The following CCND2 variants were observed in gnomAD, a reference collection of about 807,000 sequenced individuals.
CCND2 encodes the protein G1/S-specific cyclin-D2.
In CCND2, 6 loss-of-function variants were observed where a neutral mutation model predicts 30.2. That is an observed-to-expected ratio of 0.20 (90% CI 0.11 to 0.39). The LOEUF (loss-of-function observed/expected upper bound fraction) is 0.39, where lower values mean the gene tolerates loss of function less well. Ranked by LOEUF, CCND2 falls within the 10% of genes least tolerant of loss-of-function variation. The pLI, the probability that CCND2 is intolerant of heterozygous loss-of-function variation, is 1.00. For synonymous variants in CCND2, 150 were observed against 153.1 expected (o/e 0.98, Z 0.15); for missense variants, 235 against 373.4 (o/e 0.63, Z 3.06).
At position 4,288,900 on chromosome 12, in the gene CCND2, C is replaced by T; in HGVS notation, c.630C>T (p.Ala210=). Residue 210 remains alanine (A), a synonymous_variant, in exon 4 of 5, where the codon GCC becomes GCT. Transcript: ENST00000261254. ...TCGCAACTGGAAGTGTGGGAGCAGC[C>T]ATCTGTGGGCTCCAGCAGGATGAGG... ...SMIATGSVGA[A]ICGLQQDEEV... is the part of the protein sequence containing the mutation. 1 of 1,613,808 alleles carries T rather than the reference C, an allele frequency of 6.2e-7. No individual in the cohort carries two copies. Among genetic ancestry groups the T allele is most frequent in the African/African-American group, 1.3e-5 (1 of 74,986 alleles).
At chr12:4,297,957 T>C in intron 4 of CCND2, 1 of 309,648 alleles carries the variant, frequency 3.2e-6, no homozygotes, top group Non-Finnish European at 6.9e-6. Context: ...CTAAAGATTG[T>C]CAGGATCTTG....
Position 4,285,357 on chromosome 12 carries a change from A to T in CCND2, c.572-3485A>T, listed in dbSNP as rs890418816. The T allele has an allele frequency of 5.1e-6, 5 of 985,274 alleles. No homozygotes were observed. Among genetic ancestry groups the T allele is most frequent in the Admixed American group, 6.1e-5 (1 of 16,270 alleles). 61.0% of individuals were successfully genotyped at this position (985,274 alleles called of 1,614,324 possible). On this transcript the variant is annotated intron_variant, in intron 3 of 4. Transcript: ENST00000261254. The surrounding 1 kb of genome is among the most constrained non-coding windows in gnomAD (Gnocchi z 4.1). ...TGGCGAGGGCACACCCTCACCCCTG[A>T]GCGTGCCTTCTGCACCAGCATATTG...
In CCND2 at chr12:4,299,221, G is replaced by A. The variant is rs541354785; in HGVS notation, c.721-639G>A. Among the ~76,000 whole-genome samples, 4 of 152,308 alleles carry A rather than the reference G, an allele frequency of 2.6e-5. No homozygotes were observed. The highest frequency in any genetic ancestry group is 2.1e-4 in the South Asian group (1 of 4,830). ...CTAAAAATACAAAAATTAGCCAGGC[G>A]CGGTGGCGGGTGCCTGTAGTCCCAG... On this transcript the variant is annotated intron_variant, in intron 4 of 4. Coordinates refer to ENST00000261254, the MANE Select transcript of CCND2 (RefSeq NM_001759.4). The surrounding 1 kb of genome is among the most constrained non-coding windows in gnomAD (Gnocchi z 5.2).
chr12:4,283,365 G>A (rs1307462327), intron 3 of CCND2, among the ~76,000 whole-genome samples: 1 of 152,188 alleles, frequency 6.6e-6, no homozygotes, highest in Non-Finnish European at 1.5e-5. Context: ...CACTTCCGAC[G>A]TGAAAGGCTG....
At chr12:4,298,707 T>C (rs1443386536) in intron 4 of CCND2, among the ~76,000 whole-genome samples, 2 of 152,376 alleles carry the variant, frequency 1.3e-5, no homozygotes, top group East Asian at 3.8e-4. Context: ...GCCTTATGTA[T>C]GTGCTTCTTA....
intron 3 of CCND2, among the ~76,000 whole-genome samples, chr12:4,281,783 T>C (rs945756879): frequency 3.9e-5 from 6 of 152,140 alleles, no homozygotes; most frequent in Admixed American, 3.3e-4. Flanking sequence ...AGGGGCCGCG[T>C]AAGTGTGGCG....
At chr12:4,291,449 G>A (rs535667125) in intron 4 of CCND2, among the ~76,000 whole-genome samples, 1 of 151,896 alleles carries the variant, frequency 6.6e-6, no homozygotes, top group Non-Finnish European at 1.5e-5. Context: ...CTTTACTGAA[G>A]GCCCAGTTGT....
intron 3 of CCND2, among the ~76,000 whole-genome samples, chr12:4,284,652 C>T (rs779128024): frequency 3.3e-5 from 5 of 152,160 alleles, no homozygotes; most frequent in Non-Finnish European, 7.3e-5. Flanking sequence ...TCTCCAAATC[C>T]TTCCCATCTC....
At position 4,273,786 on chromosome 12, in the gene CCND2, AGAGC is replaced by A. The variant is rs1287482207; in HGVS notation, c.-251_-248del. 2 of 555,436 alleles carry A rather than the reference AGAGC, an allele frequency of 3.6e-6. No individual in the cohort carries two copies. Among genetic ancestry groups the A allele is most frequent in the Non-Finnish European group, 6.4e-6 (2 of 313,048 alleles). The allele number at this position is 555,436 out of a possible 1,614,324, so 34.4% of individuals were successfully genotyped here. On this transcript the variant is annotated 5_prime_UTR_variant, in exon 1 of 5. Transcript: ENST00000261254. The surrounding 1 kb of genome is among the most constrained non-coding windows in gnomAD (Gnocchi z 5.9). ...CAGAGCGGAGAAGAGCGAGCAGGGGAGAGCGAGACCAGTTTTAAGGGGAGGACCG... is the reference window on the plus strand; with the variant it reads ...CAGAGCGGAGAAGAGCGAGCAGGGGAGAGACCAGTTTTAAGGGGAGGACCG...
At chr12:4,278,471 G>T (rs187780423) in intron 2 of CCND2, among the ~76,000 whole-genome samples, 1 of 152,230 alleles carries the variant, frequency 6.6e-6, no homozygotes, top group Non-Finnish European at 1.5e-5. Context: ...GGGTTGGGAG[G>T]GGGTAAGGGG....
chr12:4,295,652 C>CTG lies in CCND2; in HGVS notation c.721-4206_721-4205dup, dbSNP rs796567132. ...ATCAGCTGGGGGTGATGGCGTGCAC[C>CTG]TGTAATCCCAGCTACTTGGGATGCT... On this transcript the variant is annotated intron_variant, in intron 4 of 4. Transcript: ENST00000261254. Among the ~76,000 whole-genome samples the CTG allele has an allele frequency of 3.8e-4, 58 of 152,270 alleles. 1 individual carries two copies. The highest frequency in any genetic ancestry group is 1.3e-3 in the African/African-American group (55 of 41,542).
rs1644731366 is a variant in CCND2, at chr12:4,287,861, T to TGCTCG, written c.572-979_572-975dup. Among the ~76,000 whole-genome samples the TGCTCG allele has an allele frequency of 6.6e-6, 1 of 151,880 alleles. No homozygotes were observed. Among genetic ancestry groups the TGCTCG allele is most frequent in the African/African-American group, 2.4e-5 (1 of 41,334 alleles). ...TGGCCACCCAGCCCCTCTGAAGGAG[T>TGCTCG]GCTCGGAGGAACACAAGGGGGCTGG... On this transcript the variant is annotated intron_variant, in intron 3 of 4. Coordinates refer to ENST00000261254, the MANE Select transcript of CCND2 (RefSeq NM_001759.4). This position sits in a 1 kb window ranked among gnomAD's most constrained non-coding sequence, Gnocchi z 4.0.
intron 4 of CCND2, among the ~76,000 whole-genome samples, chr12:4,291,097 A>C (rs1864094916): frequency 6.6e-6 from 1 of 152,110 alleles, no homozygotes; most frequent in Non-Finnish European, 1.5e-5. Flanking sequence ...TTTTTCAAAG[A>C]AAAATCTGAG....
chr12:4,276,222 TA>T lies in CCND2; in HGVS notation c.411+4del, dbSNP rs1453005795. On this transcript the variant is annotated splice_donor_region_variant and intron_variant, in intron 2 of 4. Coordinates refer to ENST00000261254, the MANE Select transcript of CCND2 (RefSeq NM_001759.4). The surrounding 1 kb of genome is among the most constrained non-coding windows in gnomAD (Gnocchi z 4.8). Reference sequence around the variant, plus strand: ...TCCATCAAGCCTCAGGAGCTGCTGGTAATGACCGGCCCCTTCCTCCCTTCCT... The same window carrying T: ...TCCATCAAGCCTCAGGAGCTGCTGGTATGACCGGCCCCTTCCTCCCTTCCT... The T allele has an allele frequency of 1.2e-6, 2 of 1,612,352 alleles. No individual in the cohort carries two copies. The highest frequency in any genetic ancestry group is 1.7e-6 in the Non-Finnish European group (2 of 1,178,662).
rs1863875993 is a variant in CCND2, at chr12:4,276,441, GC to G, written c.411+222del. On this transcript the variant is annotated intron_variant, in intron 2 of 4. Coordinates refer to ENST00000261254, the MANE Select transcript of CCND2 (RefSeq NM_001759.4). This position sits in a 1 kb window ranked among gnomAD's most constrained non-coding sequence, Gnocchi z 4.8. ...CCCAGGCTCCGTGCCCAGCACTGAG[GC>G]TACATCTGTGAATAAGATCCTCATG... is the stretch of plus-strand genomic sequence containing the variant. Among the ~76,000 whole-genome samples the G allele has an allele frequency of 6.6e-6, 1 of 152,230 alleles. No individual in the cohort carries two copies. The highest frequency in any genetic ancestry group is 6.5e-5 in the Admixed American group (1 of 15,288).
chr12:4,305,237 T>C lies in CCND2; in HGVS notation c.*5228T>C, dbSNP rs1485097839. On this transcript the variant is annotated 3_prime_UTR_variant, in exon 5 of 5. Coordinates refer to ENST00000261254, the MANE Select transcript of CCND2 (RefSeq NM_001759.4). This position sits in a 1 kb window ranked among gnomAD's most constrained non-coding sequence, Gnocchi z 6.4. The stretch of plus-strand genomic sequence containing the variant: ...TTTAAGAGGTCTTATCTGTTCAGTG[T>C]TAAGTGATTTAAAAAAATAATAACC... 2 of 232,474 alleles carry C rather than the reference T, an allele frequency of 8.6e-6. No individual in the cohort carries two copies. The highest frequency in any genetic ancestry group is 6.1e-5 in the East Asian group (1 of 16,440). 14.4% of individuals were successfully genotyped at this position (232,474 alleles called of 1,614,324 possible).
intron 3 of CCND2, among the ~76,000 whole-genome samples, chr12:4,281,791 G>A (rs1863951599): frequency 6.6e-6 from 1 of 152,180 alleles, no homozygotes; most frequent in Admixed American, 6.5e-5. Flanking sequence ...CGTAAGTGTG[G>A]CGAAGTGGCG....
intron 3 of CCND2, among the ~76,000 whole-genome samples, chr12:4,281,662 C>A (rs528428529): frequency 2.0e-5 from 3 of 152,036 alleles, no homozygotes; most frequent in Admixed American, 2.0e-4. Context: ...ACCCTCAGGC[C>A]GTGCAGCTAT....
rs146122734 is a variant in CCND2 at position 4,274,154 on chromosome 12, T to C, written c.114T>C (p.Leu38=). 5 of 1,613,990 alleles carry C rather than the reference T, an allele frequency of 3.1e-6. No homozygotes were observed. The South Asian group carries it at 5.5e-5, about 18-fold the overall frequency. ...QNLLTIEERY[L]PQCSYFKCVQ... ...TGCTCACCATCGAGGAGCGCTACCT[T>C]CCGCAGTGCTCCTACTTCAAGTGCG... Residue 38 remains leucine (L), a synonymous_variant, in exon 1 of 5, where the codon CTT becomes CTC. Coordinates refer to ENST00000261254, the MANE Select transcript of CCND2 (RefSeq NM_001759.4). This position sits in a 1 kb window ranked among gnomAD's most constrained non-coding sequence, Gnocchi z 7.7.
Sources: gnomAD v4.1 joint callset for allele counts (sites outside exome capture counted in the v4.1 genomes callset) on GRCh38, gnomAD v4.1.1 for gene constraint, Gnocchi (gnomAD v3.1) non-coding constraint, MANE v1.5 for transcripts, NCBI Gene and HGNC (gene_info 2026-07-23, HGNC 2026-07-21) for gene names.